The following RAB5C variants were observed in gnomAD, a reference collection of about 807,000 sequenced individuals.
The protein encoded by RAB5C is ras-related protein Rab-5C.
Under a neutral mutation model 25.2 loss-of-function variants are expected in RAB5C, and 4 were observed. The observed-to-expected ratio is 0.16, with a 90% CI of 0.08 to 0.36. The LOEUF (loss-of-function observed/expected upper bound fraction) is 0.36, where lower values mean the gene tolerates loss of function less well. Ranked by LOEUF, RAB5C falls within the 10% of genes least tolerant of loss-of-function variation. RAB5C has a pLI of 1.00. For synonymous variants in RAB5C, 100 were observed against 106.4 expected (o/e 0.94, Z 0.37); for missense variants, 199 against 283.8 (o/e 0.70, Z 2.15).
At chr17:42,126,942 C>T in intron 4 of RAB5C, 94 bp from the exon 5 acceptor site, 1 of 770,144 alleles carries the variant, frequency 1.3e-6, no homozygotes, top group Non-Finnish European at 2.2e-6. Context: ...ATTCGAGCAC[C>T]TTATCATAAT....
intron 1 of RAB5C, among the ~76,000 whole-genome samples, chr17:42,132,460 G>A (rs2054495400): frequency 1.3e-5 from 2 of 152,212 alleles, no homozygotes; most frequent in African/African-American, 4.8e-5. Context: ...GACAAGGTCT[G>A]TGCTTTCTGC....
chr17:42,154,931 T>C lies in RAB5C; in HGVS notation c.-127A>G, dbSNP rs2079697882. 6.6e-6 allele frequency: 1 copy of C among 152,320 alleles called. No individual in the cohort carries two copies. The highest frequency in any genetic ancestry group is 2.1e-4 in the South Asian group (1 of 4,844). The allele number at this position is 152,320 out of a possible 1,614,324, so 9.4% of individuals were successfully genotyped here. On this transcript the variant is annotated 5_prime_UTR_variant, in exon 1 of 6. Coordinates refer to ENST00000346213, the MANE Select transcript of RAB5C (RefSeq NM_004583.4). Reference sequence around the variant, plus strand: ...CGGCGGCGTTACTTGGGGCCGGGGCTCGGACGGGATCCGCTTCTCTCCCCG... The same window carrying C: ...CGGCGGCGTTACTTGGGGCCGGGGCCCGGACGGGATCCGCTTCTCTCCCCG...
At chr17:42,147,399 G>A (rs1380043366) in intron 1 of RAB5C, among the ~76,000 whole-genome samples, 1 of 152,192 alleles carries the variant, frequency 6.6e-6, no homozygotes, top group African/African-American at 2.4e-5. Flanking sequence ...TGCTTCCACT[G>A]ATCCTTGCTA....
At chr17:42,131,650 A>G (rs1469864232) in intron 1 of RAB5C, 1 of 1,529,170 alleles carries the variant, frequency 6.5e-7, no homozygotes, top group Non-Finnish European at 8.8e-7. Flanking sequence ...GATGGAGAGA[A>G]AGAAGAGGCA....
Position 42,125,775 on chromosome 17 carries a change from AG to A in RAB5C, c.*7del, listed in dbSNP as rs781846461. The A allele has an allele frequency of 3.1e-6, 5 of 1,589,300 alleles. No individual in the cohort carries two copies. The highest frequency in any genetic ancestry group is 1.3e-5 in the African/African-American group (1 of 74,588). ...AGGAGGCGGGGGCAGCGGGCAGGCA[AG>A]GGGGGCTCAGTTGCTGCAGCACTGG... is the stretch of plus-strand genomic sequence containing the variant. On this transcript the variant is annotated 3_prime_UTR_variant, in exon 6 of 6. Transcript: ENST00000346213.
chr17:42,152,732 T>C (rs544226180), intron 1 of RAB5C, among the ~76,000 whole-genome samples: 1 of 151,614 alleles, frequency 6.6e-6, no homozygotes, highest in East Asian at 1.9e-4. Context: ...TGAGCCAAGA[T>C]TGTGCCACTG....
intron 1 of RAB5C, among the ~76,000 whole-genome samples, chr17:42,140,727 T>C (rs1211615425): frequency 1.9e-4 from 29 of 152,002 alleles, no homozygotes; most frequent in Non-Finnish European, 8.8e-5. Flanking sequence ...GGTTTCGCCA[T>C]GTTGGCCAGG....
At chr17:42,140,018 A>G (rs1326817216) in intron 1 of RAB5C, among the ~76,000 whole-genome samples, 1 of 152,112 alleles carries the variant, frequency 6.6e-6, no homozygotes, top group African/African-American at 2.4e-5. Context: ...GAATCTCATC[A>G]ATGTAGGGCC....
At chr17:42,147,680 C>T (rs1352165149) in intron 1 of RAB5C, among the ~76,000 whole-genome samples, 1 of 152,186 alleles carries the variant, frequency 6.6e-6, no homozygotes, top group Non-Finnish European at 1.5e-5. Flanking sequence ...TGTCTGTGAG[C>T]AACTTTCTGG....
intron 1 of RAB5C, among the ~76,000 whole-genome samples, chr17:42,143,974 T>C (rs752137272): frequency 5.9e-5 from 9 of 151,848 alleles, no homozygotes; most frequent in Admixed American, 3.3e-4. Context: ...TTAGTAGAGA[T>C]AGGGTTTCAC....
At chr17:42,126,733 G>C (rs199665803) in intron 5 of RAB5C, 22 bp downstream of exon 5, 1 of 1,553,116 alleles carries the variant, frequency 6.4e-7, no homozygotes, top group African/African-American at 1.4e-5. Context: ...GTGGAGAGAG[G>C]AGGGGAGGAG....
chr17:42,147,313 CTT>C (rs1568025227), intron 1 of RAB5C, among the ~76,000 whole-genome samples: 2 of 152,198 alleles, frequency 1.3e-5, no homozygotes, highest in Non-Finnish European at 2.9e-5. Flanking sequence ...GCTGCCACCA[CTT>C]TTTTAAGCCA....
chr17:42,126,020 G>T, intron 5 of RAB5C, 122 bp from the exon 6 acceptor site: 1 of 689,070 alleles, frequency 1.5e-6, no homozygotes, highest in Non-Finnish European at 2.5e-6. Flanking sequence ...GGGCTTCTGT[G>T]TGTCAGGTGC....
intron 1 of RAB5C, among the ~76,000 whole-genome samples, chr17:42,147,002 A>C (rs2079639218): frequency 7.5e-6 from 1 of 133,570 alleles, no homozygotes; most frequent in Admixed American, 7.0e-5. Flanking sequence ...TTCGTCAAGA[A>C]AGAAAGAAAG....
rs550793411 is a variant in RAB5C at position 42,152,381 on chromosome 17, A to C, written c.-89+2512T>G. Among the ~76,000 whole-genome samples, 7 of 152,142 alleles carry C rather than the reference A, an allele frequency of 4.6e-5. No homozygotes were observed. In the East Asian group the frequency reaches 1.4e-3, roughly 29 times the overall value. ...CGCTCTCTCTGCCAGGCAGAGTCAGACCTCTGCTTGGACTCTATAATTTCT... is the reference window on the plus strand; with the variant it reads ...CGCTCTCTCTGCCAGGCAGAGTCAGCCCTCTGCTTGGACTCTATAATTTCT... On this transcript the variant is annotated intron_variant, in intron 1 of 5. Coordinates refer to ENST00000346213, the MANE Select transcript of RAB5C (RefSeq NM_004583.4).
Position 42,140,484 on chromosome 17 carries a change from AATATATATATATAT to A in RAB5C, c.-88-9908_-88-9895del, listed in dbSNP as rs10580000. The stretch of plus-strand genomic sequence containing the variant: ...TGGGCACCAAAGAACAATATTTTAG[AATATATATATATAT>A]ATATATATATATATATATTTTTTTT... On this transcript the variant is annotated intron_variant, in intron 1 of 5. Coordinates refer to ENST00000346213, the MANE Select transcript of RAB5C (RefSeq NM_004583.4). Among the ~76,000 whole-genome samples the A allele has an allele frequency of 3.4e-3, 245 of 72,738 alleles. 1 individual carries two copies. The highest frequency in any genetic ancestry group is 0.016 in the Middle Eastern group (2 of 124). 47.7% of individuals were successfully genotyped at this position (72,738 alleles called of 152,430 possible).
intron 2 of RAB5C, 102 bp from the exon 3 acceptor site, chr17:42,128,902 G>T: frequency 9.0e-7 from 1 of 1,112,350 alleles, no homozygotes; most frequent in Non-Finnish European, 1.2e-6. Flanking sequence ...GCCCACCACT[G>T]AGATGGGCAC....
intron 1 of RAB5C, among the ~76,000 whole-genome samples, chr17:42,141,657 C>T (rs530293109): frequency 6.6e-6 from 1 of 152,318 alleles, no homozygotes; most frequent in Non-Finnish European, 1.5e-5. Flanking sequence ...TGGAGTCAGA[C>T]AACTTGAACT....
At chr17:42,127,606 C>T (rs150929699) in intron 4 of RAB5C, among the ~76,000 whole-genome samples, 111 of 151,044 alleles carry the variant, frequency 7.3e-4, no homozygotes, top group Admixed American at 5.9e-3. Context: ...TGCAGTGGCA[C>T]GATCACTGCT....
Sources: gnomAD v4.1 joint callset for allele counts (sites outside exome capture counted in the v4.1 genomes callset) on GRCh38, gnomAD v4.1.1 for gene constraint, MANE v1.5 for transcripts, NCBI Gene and HGNC (gene_info 2026-07-23, HGNC 2026-07-21) for gene names.